FRYL: variants seen among roughly 807,000 people sequenced by gnomAD.
FRYL encodes the protein FRY like transcription coactivator.
Under a neutral mutation model 351.2 loss-of-function variants are expected in FRYL, and 150 were observed. The observed-to-expected ratio is 0.43, with a 90% confidence interval of 0.37 to 0.49. The LOEUF is 0.49. Among genes scored for constraint, FRYL ranks in the 20% least tolerant of loss-of-function variants. The pLI is 0.00. For missense variants in FRYL, 3,036 were observed against 3,619.3 expected, an observed-to-expected ratio of 0.84 and a Z score of 4.13; for synonymous variants, 1,153 against 1,257.1, an observed-to-expected ratio of 0.92 and a Z score of 1.75.
Position 48,542,117 on chromosome 4 carries a change from A to C in FRYL, c.5597T>G (p.Phe1866Cys). The C allele has an allele frequency of 6.2e-7, 1 of 1,612,070 alleles. No individual in the cohort carries two copies. Among genetic ancestry groups the C allele is most frequent in the Non-Finnish European group, 8.5e-7 (1 of 1,178,164 alleles). The change falls in exon 45 of 64, where the codon TTT becomes TGT. Residue 1866 changes from phenylalanine (F) to cysteine (C), a missense_variant. Phe to Cys is a radical substitution (Grantham distance 205). This residue lies in a region of FRYL where 1,987 missense variants were observed against 2,311.7 expected (regional missense o/e 0.86). Coordinates refer to ENST00000358350, the MANE Select transcript of FRYL (RefSeq NM_015030.2). ...CAATGTGAGAAGAAGCTCAATCACAAATCCCTGGGGGGAAAAAGGCAGATT... is the reference window on the plus strand; with the variant it reads ...CAATGTGAGAAGAAGCTCAATCACACATCCCTGGGGGGAAAAAGGCAGATT... ...VGDPGEDAQG[F>C]VIELLLTLES...
chr4:48,629,914 C>T (rs966971017), intron 4 of FRYL, among the ~76,000 whole-genome samples: 2 of 152,078 alleles, frequency 1.3e-5, no homozygotes, highest in African/African-American at 4.8e-5. Context: ...TTCACTTTAC[C>T]TTCAGAGGCA....
chr4:48,776,054 A>G (rs13353677), intron 1 of FRYL, among the ~76,000 whole-genome samples: 1 of 151,396 alleles, frequency 6.6e-6, no homozygotes, highest in Non-Finnish European at 1.5e-5. Flanking sequence ...AAAAAAAAAA[A>G]GAAAAAGAAA....
At chr4:48,757,981 G>A (rs961312938) in intron 1 of FRYL, among the ~76,000 whole-genome samples, 1 of 152,146 alleles carries the variant, frequency 6.6e-6, no homozygotes, top group African/African-American at 2.4e-5. Flanking sequence ...AACAAGAAAT[G>A]GAGAAAGGAT....
intron 31 of FRYL, among the ~76,000 whole-genome samples, chr4:48,563,746 G>A (rs1351299749): frequency 6.6e-6 from 1 of 151,236 alleles, no homozygotes; most frequent in Non-Finnish European, 1.5e-5. Context: ...GATTTGCATA[G>A]AGTAAATACA....
At chr4:48,754,611 G>C (rs1192612897) in intron 1 of FRYL, among the ~76,000 whole-genome samples, 1 of 151,578 alleles carries the variant, frequency 6.6e-6, no homozygotes, top group Non-Finnish European at 1.5e-5. Flanking sequence ...CAATGTGTAA[G>C]GTTCCAATTT....
At chr4:48,681,744 C>T (rs1764640111) in intron 3 of FRYL, among the ~76,000 whole-genome samples, 1 of 152,028 alleles carries the variant, frequency 6.6e-6, no homozygotes, top group South Asian at 2.1e-4. Flanking sequence ...AAAACTTCAG[C>T]ATGAATAACC....
Position 48,578,967 on chromosome 4 carries a change from A to G in FRYL, c.2528+6T>C. 1 of 1,571,656 alleles carries G rather than the reference A, an allele frequency of 6.4e-7. No individual in the cohort carries two copies. Among genetic ancestry groups the G allele is most frequent in the Non-Finnish European group, 8.6e-7 (1 of 1,163,634 alleles). On this transcript the variant is annotated splice_donor_region_variant and intron_variant, in intron 23 of 63. Coordinates refer to ENST00000358350, the MANE Select transcript of FRYL (RefSeq NM_015030.2). ...TTTTTAAATTTACACTAGGAAAATA[A>G]CTTACTTTATATCGACCTGAGGGGA... is the stretch of plus-strand genomic sequence containing the variant.
At chr4:48,749,980 TA>T (rs1253368501) in intron 1 of FRYL, among the ~76,000 whole-genome samples, 1 of 151,626 alleles carries the variant, frequency 6.6e-6, no homozygotes, top group African/African-American at 2.4e-5. Flanking sequence ...AAAAAATTTT[TA>T]AAATTAGCCA....
Position 48,589,887 on chromosome 4 carries a change from A to G in FRYL, c.1508-10T>C. ...TAGTAAACTGACATTCCTAGGGGAA[A>G]AAACTTCACAGTTATAAAATATCTG... On this transcript the variant is annotated splice_polypyrimidine_tract_variant and intron_variant, in intron 17 of 63. Coordinates refer to ENST00000358350, the MANE Select transcript of FRYL (RefSeq NM_015030.2). The G allele has an allele frequency of 6.2e-7, 1 of 1,601,028 alleles. No homozygotes were observed. The highest frequency in any genetic ancestry group is 8.5e-7 in the Non-Finnish European group (1 of 1,170,510).
intron 2 of FRYL, among the ~76,000 whole-genome samples, chr4:48,696,779 A>G (rs1766209472): frequency 6.6e-6 from 1 of 151,740 alleles, no homozygotes; most frequent in Admixed American, 6.6e-5. Context: ...TAATGATACT[A>G]TTATTAAGCA....
chr4:48,641,420 C>T (rs1405716991), intron 3 of FRYL, among the ~76,000 whole-genome samples: 1 of 151,966 alleles, frequency 6.6e-6, no homozygotes, highest in Non-Finnish European at 1.5e-5. Flanking sequence ...ATTCTTATTT[C>T]AAGTAATATG....
At chr4:48,637,073 C>T (rs936880594) in intron 3 of FRYL, 1 of 151,936 alleles carries the variant, frequency 6.6e-6, no homozygotes, top group Admixed American at 6.6e-5. Flanking sequence ...ATATAATAAA[C>T]ACACAGTTAA....
intron 2 of FRYL, among the ~76,000 whole-genome samples, chr4:48,708,263 G>A (rs1270019747): frequency 1.3e-5 from 2 of 149,236 alleles, no homozygotes; most frequent in Non-Finnish European, 3.0e-5. Context: ...TGGACAACAA[G>A]AGCGAGACTC....
At chr4:48,510,801 A>C (rs774724736) in intron 58 of FRYL, 34 bp downstream of exon 58, 1 of 1,535,800 alleles carries the variant, frequency 6.5e-7, no homozygotes, top group East Asian at 2.3e-5. Flanking sequence ...ATTCCAATGT[A>C]GTCTTTATAA....
chr4:48,620,055 A>C (rs953022801), intron 6 of FRYL, among the ~76,000 whole-genome samples: 4 of 152,228 alleles, frequency 2.6e-5, no homozygotes, highest in African/African-American at 9.6e-5. Flanking sequence ...AGTACAAGGT[A>C]TCCTTCTCAC....
chr4:48,624,503 A>G (rs1302867097), intron 4 of FRYL, among the ~76,000 whole-genome samples: 1 of 152,192 alleles, frequency 6.6e-6, no homozygotes, highest in East Asian at 1.9e-4. Context: ...GTCTAAAATT[A>G]GTATAGAAAG....
chr4:48,561,670 G>C (rs755875299), intron 32 of FRYL, 34 bp from the exon 33 acceptor site: 4 of 1,506,540 alleles, frequency 2.7e-6, no homozygotes, highest in Admixed American at 3.9e-5. Flanking sequence ...CTTAGGTTAA[G>C]ATTTTATGGG....
At chr4:48,599,320 A>C (rs1745232716) in intron 13 of FRYL, among the ~76,000 whole-genome samples, 1 of 152,204 alleles carries the variant, frequency 6.6e-6, no homozygotes, top group Non-Finnish European at 1.5e-5. Context: ...TAGGAATGGG[A>C]GAATACCAAA....
intron 33 of FRYL, among the ~76,000 whole-genome samples, chr4:48,561,253 G>C (rs1735446087): frequency 6.6e-6 from 1 of 151,948 alleles, no homozygotes; most frequent in Admixed American, 6.6e-5. Context: ...GGGAAGGTCA[G>C]GTATAAAACC....
Sources: allele counts gnomAD v4.1 joint callset (sites outside exome capture counted in the v4.1 genomes callset), GRCh38; gene constraint gnomAD v4.1.1; regional missense constraint gnomAD v4.1.1; transcripts MANE v1.5; gene names NCBI Gene and HGNC (gene_info 2026-07-23, HGNC 2026-07-21).